Variants in EEFSEC observed in about 807,000 individuals in gnomAD.
EEFSEC encodes eukaryotic elongation factor, selenocysteine-tRNA specific.
Under a neutral mutation model 42.1 loss-of-function variants are expected in EEFSEC, and 43 were observed. The observed-to-expected ratio is 1.02, with a 90% confidence interval of 0.80 to 1.32. The LOEUF (loss-of-function observed/expected upper bound fraction) is 1.32. Among genes scored for constraint, EEFSEC ranks in the 40% most tolerant of loss-of-function variants. The pLI, the probability that EEFSEC is intolerant of heterozygous loss-of-function variation, is 0.00. For synonymous variants in EEFSEC, 354 were observed against 339.1 expected (o/e 1.04, Z -0.48); for missense variants, 745 against 803.6 (o/e 0.93, Z 0.88).
chr3:128,341,284 G>A lies in EEFSEC; in HGVS notation c.838G>A (p.Ala280Thr). The change falls in exon 5 of 7, where the codon GCC becomes ACC. Residue 280 changes from alanine (A) to threonine (T), a missense_variant. Transcript: ENST00000254730. Reference protein sequence around the residue: ...MQMFHMPITSAMQGDRLGICV... With the variant: ...MQMFHMPITSTMQGDRLGICV... ...GATGTTCCACATGCCCATCACTTCA[G>A]CCATGCAAGGAGACCGGCTGGGCAT... 2 of 1,614,028 alleles carry A rather than the reference G, an allele frequency of 1.2e-6. No individual in the cohort carries two copies. The highest frequency in any genetic ancestry group is 2.2e-5 in the South Asian group (2 of 91,058).
intron 1 of EEFSEC, among the ~76,000 whole-genome samples, chr3:128,205,072 C>G (rs2065684558): frequency 6.6e-6 from 1 of 152,060 alleles, no homozygotes; most frequent in Non-Finnish European, 1.5e-5. Flanking sequence ...AAGGTTGGTG[C>G]TCAAAAAGTT....
At chr3:128,177,337 T>C (rs188011615) in intron 1 of EEFSEC, among the ~76,000 whole-genome samples, 2 of 152,274 alleles carry the variant, frequency 1.3e-5, no homozygotes, top group East Asian at 3.9e-4. Flanking sequence ...CAGAAAGCTT[T>C]AGATTTTTTA....
chr3:128,310,010 G>A (rs951174005), intron 4 of EEFSEC, among the ~76,000 whole-genome samples: 3 of 152,358 alleles, frequency 2.0e-5, no homozygotes, highest in Admixed American at 1.3e-4. Flanking sequence ...AAACAAAGGA[G>A]CAGTTGCTTT....
intron 4 of EEFSEC, among the ~76,000 whole-genome samples, chr3:128,335,368 G>A (rs558507135): frequency 6.6e-6 from 1 of 152,258 alleles, no homozygotes; most frequent in Admixed American, 6.5e-5. Context: ...CTTGCTGGGT[G>A]GGGTGACTGA....
intron 2 of EEFSEC, among the ~76,000 whole-genome samples, chr3:128,251,137 G>A (rs1292100878): frequency 6.6e-6 from 1 of 151,870 alleles, no homozygotes; most frequent in African/African-American, 2.4e-5. Context: ...TTTACATATA[G>A]TTGTAGTCAT....
chr3:128,386,582 T>C (rs1218810809), intron 6 of EEFSEC, among the ~76,000 whole-genome samples: 1 of 152,128 alleles, frequency 6.6e-6, no homozygotes, highest in Non-Finnish European at 1.5e-5. Context: ...TGAGTCTGCA[T>C]TGCTATAAAG....
chr3:128,349,642 A>G (rs2067359317), intron 5 of EEFSEC, among the ~76,000 whole-genome samples: 1 of 152,194 alleles, frequency 6.6e-6, no homozygotes, highest in South Asian at 2.1e-4. Flanking sequence ...GGGTCTCACC[A>G]TAGCCCTCTT....
chr3:128,187,517 G>T (rs2065477597), intron 1 of EEFSEC, among the ~76,000 whole-genome samples: 1 of 152,196 alleles, frequency 6.6e-6, no homozygotes, highest in African/African-American at 2.4e-5. Context: ...CAATGAATGT[G>T]TTCACTTGGT....
chr3:128,362,438 A>G lies in EEFSEC; in HGVS notation c.1600+4065A>G, dbSNP rs985012865. On this transcript the variant is annotated intron_variant, in intron 6 of 6. Coordinates refer to ENST00000254730, the MANE Select transcript of EEFSEC (RefSeq NM_021937.5). ...ATGTGCCCGTGATCTTATCTCCTGA[A>G]GCAATGCTCTGTAAATCTAAAATCT... Among the ~76,000 whole-genome samples, 4 of 152,254 alleles carry G rather than the reference A, an allele frequency of 2.6e-5. No homozygotes were observed. In the East Asian group the frequency reaches 7.7e-4, roughly 29 times the overall value.
chr3:128,220,305 C>A (rs184767241), intron 1 of EEFSEC, among the ~76,000 whole-genome samples: 1 of 152,310 alleles, frequency 6.6e-6, no homozygotes, highest in East Asian at 1.9e-4. Flanking sequence ...AGAGGTGGAA[C>A]CAGGAATAAT....
chr3:128,318,306 T>C (rs1247550347), intron 4 of EEFSEC, among the ~76,000 whole-genome samples: 1 of 152,264 alleles, frequency 6.6e-6, no homozygotes, highest in Non-Finnish European at 1.5e-5. Flanking sequence ...TCATAGACTG[T>C]GTTCCAGCTG....
intron 1 of EEFSEC, among the ~76,000 whole-genome samples, chr3:128,231,543 G>C (rs1460478137): frequency 6.6e-6 from 1 of 152,190 alleles, no homozygotes; most frequent in African/African-American, 2.4e-5. Context: ...AAACAGGCCT[G>C]GAAAGCCCAG....
intron 1 of EEFSEC, among the ~76,000 whole-genome samples, chr3:128,204,116 T>C (rs1243245200): frequency 6.6e-6 from 1 of 152,214 alleles, no homozygotes; most frequent in Admixed American, 6.5e-5. Context: ...ATATAGAAGA[T>C]TCTGGACAGT....
chr3:128,180,193 A>G (rs2065390919), intron 1 of EEFSEC, among the ~76,000 whole-genome samples: 1 of 152,194 alleles, frequency 6.6e-6, no homozygotes, highest in African/African-American at 2.4e-5. Flanking sequence ...AAACACATGA[A>G]GTTGTTTTTG....
chr3:128,219,858 C>T (rs1208165598), intron 1 of EEFSEC, among the ~76,000 whole-genome samples: 1 of 151,810 alleles, frequency 6.6e-6, no homozygotes, highest in Admixed American at 6.6e-5. Flanking sequence ...CAGTGCTACC[C>T]TACTGTTTGA....
chr3:128,405,471 G>A (rs930201806), intron 6 of EEFSEC, among the ~76,000 whole-genome samples: 9 of 152,172 alleles, frequency 5.9e-5, no homozygotes, highest in African/African-American at 2.2e-4. Flanking sequence ...TCAAATCCTG[G>A]CTCTTCTGAA....
chr3:128,256,304 A>G (rs1208401899), intron 2 of EEFSEC, among the ~76,000 whole-genome samples: 4 of 152,208 alleles, frequency 2.6e-5, no homozygotes, highest in Admixed American at 2.6e-4. Flanking sequence ...TAGCTACAGT[A>G]GTAGAAGATT....
At chr3:128,307,590 G>A (rs540877021) in intron 4 of EEFSEC, among the ~76,000 whole-genome samples, 1 of 152,306 alleles carries the variant, frequency 6.6e-6, no homozygotes, top group East Asian at 1.9e-4. Flanking sequence ...GGGGTTCAGC[G>A]AATATTGGCT....
chr3:128,157,632 A>C (rs1380841453), intron 1 of EEFSEC, among the ~76,000 whole-genome samples: 3 of 152,228 alleles, frequency 2.0e-5, no homozygotes, highest in Admixed American at 1.3e-4. Context: ...CGCAGCCTGG[A>C]TGACAGCACA....
Sources: gnomAD v4.1 joint callset for allele counts (sites outside exome capture counted in the v4.1 genomes callset) on GRCh38, gnomAD v4.1.1 for gene constraint, MANE v1.5 for transcripts, NCBI Gene and HGNC (gene_info 2026-07-23, HGNC 2026-07-21) for gene names.